The following SLC41A3 variants were observed in gnomAD, a reference collection of about 807,000 sequenced individuals.
The protein encoded by SLC41A3 is solute carrier family 41 member 3.
A neutral mutation model predicts 45.4 loss-of-function variants in SLC41A3; 44 were observed. The observed-to-expected ratio is 0.97, with a 90% CI of 0.76 to 1.25. The LOEUF is 1.25. Ranked by LOEUF, SLC41A3 falls within the 50% of genes most tolerant of loss-of-function variation. The pLI, the probability that SLC41A3 is intolerant of heterozygous loss-of-function variation, is 0.00. For synonymous variants in SLC41A3, 256 were observed against 252.4 expected (o/e 1.01, Z -0.13); for missense variants, 550 against 600.6 (o/e 0.92, Z 0.88).
At chr3:126,071,324 A>G (rs1944605965) in intron 1 of SLC41A3, among the ~76,000 whole-genome samples, 1 of 152,218 alleles carries the variant, frequency 6.6e-6, no homozygotes, top group South Asian at 2.1e-4. Flanking sequence ...AGGATATTTG[A>G]TAATGATAAA....
At chr3:126,040,106 G>A (rs188808125) in intron 3 of SLC41A3, among the ~76,000 whole-genome samples, 82 of 152,356 alleles carry the variant, frequency 5.4e-4, no homozygotes, top group Admixed American at 1.0e-3. Context: ...GGCATGTCAG[G>A]AAGCAGGAGC....
chr3:126,062,438 T>C (rs1295225166), intron 2 of SLC41A3, among the ~76,000 whole-genome samples: 1 of 152,176 alleles, frequency 6.6e-6, no homozygotes. Context: ...AGCTCTGCCA[T>C]CACACACAGT....
At chr3:126,089,141 G>A (rs748873882), upstream of SLC41A3, among the ~76,000 whole-genome samples, 20 of 152,246 alleles carry the variant, frequency 1.3e-4, no homozygotes, top group Non-Finnish European at 2.5e-4. Context: ...GCCTATTACC[G>A]AAGTCATGGT....
intron 1 of SLC41A3, among the ~76,000 whole-genome samples, chr3:126,071,593 T>C (rs888975171): frequency 4.6e-5 from 7 of 152,218 alleles, no homozygotes; most frequent in Non-Finnish European, 7.3e-5. Context: ...AGCAGAATAC[T>C]CAATCTTATC....
intron 3 of SLC41A3, 47 bp from the exon 4 acceptor site, chr3:126,033,725 G>A: frequency 6.3e-7 from 1 of 1,586,262 alleles, no homozygotes. Context: ...TAGGCCCAAA[G>A]CCAGGTCAAC....
intron 8 of SLC41A3, among the ~76,000 whole-genome samples, chr3:126,015,062 AT>A (rs1173874094): frequency 1.3e-5 from 2 of 152,202 alleles, no homozygotes; most frequent in African/African-American, 4.8e-5. Context: ...AGAAATCCAG[AT>A]TTTTAAGTGT....
upstream of SLC41A3, among the ~76,000 whole-genome samples, chr3:126,088,049 C>G (rs1281328422): frequency 6.6e-6 from 1 of 151,950 alleles, no homozygotes; most frequent in Non-Finnish European, 1.5e-5. Flanking sequence ...TTGAAATGGC[C>G]TTAGATAATA....
intron 1 of SLC41A3, among the ~76,000 whole-genome samples, chr3:126,093,939 C>T (rs546648020): frequency 7.2e-5 from 11 of 152,300 alleles, no homozygotes; most frequent in Middle Eastern, 3.4e-3. Flanking sequence ...TGGCCGTCTG[C>T]GTGGCCAATT....
At chr3:126,063,661 A>G (rs2107992096) in intron 2 of SLC41A3, among the ~76,000 whole-genome samples, 1 of 152,322 alleles carries the variant, frequency 6.6e-6, no homozygotes, top group South Asian at 2.1e-4. Context: ...ACAAATGCCT[A>G]CACATATACT....
chr3:126,025,024 G>A (rs1941221690), intron 5 of SLC41A3: 1 of 152,196 alleles, frequency 6.6e-6, no homozygotes, highest in Non-Finnish European at 1.5e-5. Flanking sequence ...GTTGGTCAGA[G>A]GAGGCCTCAG....
intron 6 of SLC41A3, among the ~76,000 whole-genome samples, chr3:126,020,064 G>C (rs897957660): frequency 1.3e-5 from 2 of 152,128 alleles, no homozygotes; most frequent in Non-Finnish European, 2.9e-5. Context: ...AAGCTTCCAA[G>C]GCCCTTGCTC....
At chr3:126,066,697 G>A (rs1006429138) in intron 2 of SLC41A3, among the ~76,000 whole-genome samples, 1 of 152,174 alleles carries the variant, frequency 6.6e-6, no homozygotes, top group Non-Finnish European at 1.5e-5. Flanking sequence ...TTCTTGGAAG[G>A]CCGGGGTGTT....
chr3:126,078,197 G>T (rs1443735498), intron 1 of SLC41A3, among the ~76,000 whole-genome samples: 1 of 152,110 alleles, frequency 6.6e-6, no homozygotes, highest in Non-Finnish European at 1.5e-5. Context: ...CATCCCTTAG[G>T]TCCTAACAGC....
intron 1 of SLC41A3, among the ~76,000 whole-genome samples, chr3:126,075,891 T>C (rs1359189871): frequency 6.6e-6 from 1 of 152,178 alleles, no homozygotes; most frequent in Non-Finnish European, 1.5e-5. Context: ...TAGAATGAAA[T>C]ACAGGTGTAA....
At chr3:126,066,419 T>C (rs1944348056) in intron 2 of SLC41A3, among the ~76,000 whole-genome samples, 3 of 152,238 alleles carry the variant, frequency 2.0e-5, no homozygotes, top group Admixed American at 6.5e-5. Context: ...GTGTGTTTTA[T>C]TGGGATACAT....
intron 1 of SLC41A3, among the ~76,000 whole-genome samples, chr3:126,079,267 T>G: frequency 7.3e-6 from 1 of 136,712 alleles, no homozygotes; most frequent in Non-Finnish European, 1.6e-5. Context: ...TTTAAATTCC[T>G]TAAGGGTAAG....
Position 126,026,292 on chromosome 3 carries a change from G to T in SLC41A3, c.598+43C>A. 6.4e-7 allele frequency: 1 copy of T among 1,550,548 alleles called. No homozygotes were observed. The highest frequency in any genetic ancestry group is 1.2e-5 in the South Asian group (1 of 83,856). On this transcript the variant is annotated intron_variant, in intron 5 of 10. Transcript: ENST00000360370. This position sits in a 1 kb window ranked among gnomAD's most constrained non-coding sequence, Gnocchi z 4.2. The stretch of plus-strand genomic sequence containing the variant: ...TGAGCTCTGAGGTGGGACCTCAGAG[G>T]AGCAGGGAGCGGGTGGGGGCTCACA...
At chr3:126,058,748 C>T (rs1364352484) in intron 2 of SLC41A3, among the ~76,000 whole-genome samples, 1 of 152,212 alleles carries the variant, frequency 6.6e-6, no homozygotes, top group African/African-American at 2.4e-5. Context: ...GGACCCCTTG[C>T]AATCTGGAAA....
In SLC41A3 at chr3:126,006,491, T is replaced by G. The variant is rs9833685; in HGVS notation, c.*525A>C. 3 of 1,613,750 alleles carry G rather than the reference T, an allele frequency of 1.9e-6. No homozygotes were observed. In the South Asian group the frequency reaches 3.3e-5, roughly 18 times the overall value. ...TTAAATGTTGAGTGCAGATGAAGGGTTGTATGAGGCCCCATCCTGGGGAGG... is the reference window on the plus strand; with the variant it reads ...TTAAATGTTGAGTGCAGATGAAGGGGTGTATGAGGCCCCATCCTGGGGAGG... On this transcript the variant is annotated 3_prime_UTR_variant, in exon 11 of 11. Transcript: ENST00000360370.
Sources: gnomAD v4.1 joint callset for allele counts (sites outside exome capture counted in the v4.1 genomes callset) on GRCh38, gnomAD v4.1.1 for gene constraint, Gnocchi (gnomAD v3.1) non-coding constraint, MANE v1.5 for transcripts, NCBI Gene and HGNC (gene_info 2026-07-23, HGNC 2026-07-21) for gene names.